The following COL8A1 variants were observed in gnomAD, a reference collection of about 807,000 sequenced individuals.
COL8A1 encodes collagen type VIII alpha 1 chain.
A neutral mutation model predicts 42.7 loss-of-function variants in COL8A1; 21 were observed. The observed-to-expected ratio is 0.49, with a 90% CI of 0.35 to 0.71. The LOEUF (loss-of-function observed/expected upper bound fraction) is 0.71. Among genes scored for constraint, COL8A1 ranks in the 30% least tolerant of loss-of-function variants. COL8A1 has a pLI of 0.01. For synonymous variants in COL8A1, 367 were observed against 369.1 expected (o/e 0.99, Z 0.06); for missense variants, 788 against 962.4 (o/e 0.82, Z 2.40).
intron 2 of COL8A1, among the ~76,000 whole-genome samples, chr3:99,745,804 G>A (rs1012271104): frequency 6.7e-6 from 1 of 149,588 alleles, no homozygotes; most frequent in Non-Finnish European, 1.5e-5. Flanking sequence ...AAAACATAAA[G>A]TACATCATTA....
chr3:99,639,103 G>A (rs1399051156), intron 1 of COL8A1, among the ~76,000 whole-genome samples: 1 of 152,126 alleles, frequency 6.6e-6, no homozygotes, highest in Non-Finnish European at 1.5e-5. Flanking sequence ...ATTTTGTGAT[G>A]TTTTCCAAAC....
chr3:99,732,577 A>C (rs1361604478), intron 1 of COL8A1, among the ~76,000 whole-genome samples: 3 of 152,122 alleles, frequency 2.0e-5, no homozygotes, highest in Non-Finnish European at 4.4e-5. Context: ...TCATGATTAA[A>C]TTACCTTCCC....
intron 1 of COL8A1, among the ~76,000 whole-genome samples, chr3:99,724,682 CTTAG>C (rs1940253435): frequency 6.6e-6 from 1 of 152,198 alleles, no homozygotes; most frequent in South Asian, 2.1e-4. Context: ...ATCCACATTT[CTTAG>C]TTAGGTTAAA....
chr3:99,683,206 C>G (rs1938943129), intron 1 of COL8A1, among the ~76,000 whole-genome samples: 1 of 152,144 alleles, frequency 6.6e-6, no homozygotes, highest in Non-Finnish European at 1.5e-5. Flanking sequence ...ACATGCCTTT[C>G]TCCCCCATAA....
chr3:99,651,230 C>T (rs1937836048), intron 1 of COL8A1, among the ~76,000 whole-genome samples: 1 of 152,126 alleles, frequency 6.6e-6, no homozygotes, highest in Non-Finnish European at 1.5e-5. Context: ...GGGGAAAAAG[C>T]ATGGTTTAAA....
chr3:99,692,731 C>T (rs895764528), intron 1 of COL8A1, among the ~76,000 whole-genome samples: 6 of 152,200 alleles, frequency 3.9e-5, no homozygotes, highest in Non-Finnish European at 2.9e-5. Context: ...ACAGTAGTTC[C>T]GTAAGATCAC....
intron 1 of COL8A1, among the ~76,000 whole-genome samples, chr3:99,661,529 A>G (rs1455090907): frequency 6.6e-6 from 1 of 152,316 alleles, no homozygotes; most frequent in Non-Finnish European, 1.5e-5. Context: ...GAGAATATAA[A>G]ATGGTACAGC....
At chr3:99,726,980 T>C (rs952160093) in intron 1 of COL8A1, among the ~76,000 whole-genome samples, 5 of 151,914 alleles carry the variant, frequency 3.3e-5, no homozygotes, top group Non-Finnish European at 1.5e-5. Flanking sequence ...AGGGATGGCA[T>C]TGAATCTTTA....
At chr3:99,745,063 TGGTC>T (rs1268857793) in intron 2 of COL8A1, 42 bp downstream of exon 2, 2 of 152,268 alleles carry the variant, frequency 1.3e-5, no homozygotes, top group East Asian at 3.9e-4. Flanking sequence ...GTGGTCTGGG[TGGTC>T]CACAGGTAAA....
chr3:99,725,434 C>A (rs1237528084), intron 1 of COL8A1, among the ~76,000 whole-genome samples: 1 of 151,694 alleles, frequency 6.6e-6, no homozygotes, highest in African/African-American at 2.4e-5. Flanking sequence ...TTATTATATA[C>A]TTTAAGTTTT....
intron 1 of COL8A1, among the ~76,000 whole-genome samples, chr3:99,732,291 G>C (rs1231291536): frequency 6.6e-6 from 1 of 152,026 alleles, no homozygotes. Context: ...CAAATATCCA[G>C]GTGTATTAGT....
intron 1 of COL8A1, among the ~76,000 whole-genome samples, chr3:99,706,702 T>C (rs990216539): frequency 1.3e-5 from 2 of 152,258 alleles, no homozygotes; most frequent in African/African-American, 4.8e-5. Flanking sequence ...GTCATCTTGA[T>C]GTGCATGTTT....
chr3:99,693,365 A>G (rs1939278351), intron 1 of COL8A1, among the ~76,000 whole-genome samples: 1 of 152,228 alleles, frequency 6.6e-6, no homozygotes, highest in African/African-American at 2.4e-5. Flanking sequence ...AAACAGCCTC[A>G]GGCAGGTTTT....
At chr3:99,744,437 C>T (rs954055945) in intron 1 of COL8A1, among the ~76,000 whole-genome samples, 1 of 152,122 alleles carries the variant, frequency 6.6e-6, no homozygotes, top group Non-Finnish European at 1.5e-5. Flanking sequence ...AAAAGTGTCA[C>T]CATATTAAAG....
intron 1 of COL8A1, among the ~76,000 whole-genome samples, chr3:99,642,605 G>A (rs949206610): frequency 6.6e-6 from 1 of 152,112 alleles, no homozygotes; most frequent in African/African-American, 2.4e-5. Flanking sequence ...GTCCCTCCTG[G>A]ACAACAAAAA....
chr3:99,728,404 T>C (rs1940401378), intron 1 of COL8A1, among the ~76,000 whole-genome samples: 1 of 151,988 alleles, frequency 6.6e-6, no homozygotes, highest in African/African-American at 2.4e-5. Context: ...CCTCCTACCA[T>C]GGTCTAGATT....
chr3:99,644,994 G>T (rs1455337868), intron 1 of COL8A1, among the ~76,000 whole-genome samples: 1 of 152,182 alleles, frequency 6.6e-6, no homozygotes, highest in Non-Finnish European at 1.5e-5. Flanking sequence ...GCAGCAGAGG[G>T]GTTAAGTTGC....
Position 99,796,038 on chromosome 3 carries a change from C to T in COL8A1, c.2137C>T (p.Arg713Trp), listed in dbSNP as rs1226770157. Residue 713 changes from arginine to tryptophan, a missense_variant, in exon 4 of 4, where the codon CGG (arginine) becomes TGG (tryptophan). By Grantham distance (101) the Arg-to-Trp change is moderately radical. Around this residue, in one of 4 missense-constraint regions of COL8A1, gnomAD observed 212 missense variants for 210.9 expected, o/e 1.00. Coordinates refer to ENST00000652472, the MANE Select transcript of COL8A1 (RefSeq NM_020351.4). ...AGTGCTGCTGCTCAGGCCCGGAGAC[C>T]GGGTGTTCCTCCAGATGCCCTCAGA... ...SAVLLLRPGD[R>W]VFLQMPSEQA... The T allele has an allele frequency of 3.7e-6, 6 of 1,613,182 alleles. No individual in the cohort carries two copies. Among genetic ancestry groups the T allele is most frequent in the East Asian group, 2.2e-5 (1 of 44,860 alleles).
intron 2 of COL8A1, among the ~76,000 whole-genome samples, chr3:99,758,366 T>C (rs912210742): frequency 3.3e-5 from 5 of 152,104 alleles, no homozygotes; most frequent in African/African-American, 7.2e-5. Context: ...TCAAGATCAA[T>C]GAAAAAGTTA....
Sources: gnomAD v4.1 joint callset for allele counts (sites outside exome capture counted in the v4.1 genomes callset) on GRCh38, gnomAD v4.1.1 for gene constraint, gnomAD v4.1.1 regional missense constraint, MANE v1.5 for transcripts, NCBI Gene and HGNC (gene_info 2026-07-23, HGNC 2026-07-21) for gene names.